Variants in MYO16 observed in about 807,000 individuals in gnomAD.
MYO16 encodes the protein myosin XVI.
In MYO16, 94 loss-of-function variants were observed where a neutral mutation model predicts 205.3. The observed-to-expected ratio is 0.46, with a 90% CI of 0.39 to 0.54. The LOEUF is 0.54. MYO16 is among the 20% of genes least tolerant of loss of function. The pLI is 0.00. For synonymous variants in MYO16, 988 were observed against 954.0 expected (o/e 1.04, Z -0.66); for missense variants, 2,315 against 2,387.5 (o/e 0.97, Z 0.63).
chr13:108,551,059 T>C, the MYO16 span, among the ~76,000 whole-genome samples: 1 of 152,210 alleles, frequency 6.6e-6, no homozygotes, highest in Non-Finnish European at 1.5e-5. Flanking sequence ...TAATATATCA[T>C]GTCCTCCTTG....
chr13:108,972,552 G>A (rs1479435275), intron 20 of MYO16, among the ~76,000 whole-genome samples: 1 of 149,754 alleles, frequency 6.7e-6, no homozygotes, highest in Non-Finnish European at 1.5e-5. Flanking sequence ...GTTTCACAGA[G>A]TAGCAGATAA....
intron 34 of MYO16, among the ~76,000 whole-genome samples, chr13:109,188,772 C>T (rs1325109848): frequency 6.6e-6 from 1 of 152,120 alleles, no homozygotes; most frequent in Non-Finnish European, 1.5e-5. Context: ...AGTCCAAAAG[C>T]TGAAGAAGTT....
chr13:109,090,744 A>G (rs1888595474), intron 27 of MYO16, among the ~76,000 whole-genome samples: 1 of 152,224 alleles, frequency 6.6e-6, no homozygotes, highest in Non-Finnish European at 1.5e-5. Context: ...TGTGTGAACT[A>G]GAACGTTTTT....
At chr13:108,971,580 ATAT>A (rs999554362) in intron 20 of MYO16, among the ~76,000 whole-genome samples, 1 of 151,346 alleles carries the variant, frequency 6.6e-6, no homozygotes. Context: ...ATAATGTTAA[ATAT>A]TATGTATATT....
At chr13:108,781,393 G>A (rs1872753032) in intron 4 of MYO16, among the ~76,000 whole-genome samples, 1 of 152,188 alleles carries the variant, frequency 6.6e-6, no homozygotes, top group African/African-American at 2.4e-5. Flanking sequence ...TAGGGAGGTG[G>A]GGTGGCATAG....
At chr13:108,643,199 T>C (rs1026646496) in intron 1 of MYO16, among the ~76,000 whole-genome samples, 1 of 152,202 alleles carries the variant, frequency 6.6e-6, no homozygotes, top group African/African-American at 2.4e-5. Flanking sequence ...ACAGATCTGA[T>C]TTCTGTTTTT....
chr13:108,791,105 A>G (rs141648809), intron 5 of MYO16, among the ~76,000 whole-genome samples: 16 of 152,320 alleles, frequency 1.1e-4, no homozygotes, highest in Middle Eastern at 6.8e-3. Context: ...TCATAATCCT[A>G]AAAGTCAGAA....
intron 4 of MYO16, among the ~76,000 whole-genome samples, chr13:108,778,954 A>T (rs1272847265): frequency 1.3e-5 from 2 of 152,094 alleles, no homozygotes; most frequent in Non-Finnish European, 1.5e-5. Context: ...CTTCCACTGC[A>T]CTCGTGGGGG....
chr13:109,066,856 A>T (rs76290193), intron 27 of MYO16, among the ~76,000 whole-genome samples: 2 of 152,278 alleles, frequency 1.3e-5, no homozygotes, highest in Admixed American at 6.5e-5. Context: ...CTTCTTTCTA[A>T]TATAGTTGGG....
At chr13:109,000,094 C>T (rs979846258) in intron 21 of MYO16, among the ~76,000 whole-genome samples, 1 of 152,104 alleles carries the variant, frequency 6.6e-6, no homozygotes, top group African/African-American at 2.4e-5. Context: ...AGAATTAATG[C>T]ATTTGAAACC....
intron 4 of MYO16, among the ~76,000 whole-genome samples, chr13:108,761,080 G>A (rs72668509): frequency 0.21 from 32,565 of 152,056 alleles, 3,578 homozygotes; most frequent in Middle Eastern, 0.23. Context: ...TTTTTTTGCC[G>A]TTTATCTGTT....
intron 15 of MYO16, among the ~76,000 whole-genome samples, chr13:108,898,535 T>C (rs1555310507): frequency 1.3e-5 from 2 of 152,130 alleles, no homozygotes; most frequent in Non-Finnish European, 2.9e-5. Context: ...AGCTGAATTA[T>C]CCTTGCTGAA....
At chr13:108,934,218 A>G (rs1027986051) in intron 16 of MYO16, among the ~76,000 whole-genome samples, 2 of 152,222 alleles carry the variant, frequency 1.3e-5, no homozygotes, top group African/African-American at 4.8e-5. Context: ...CCAACAGTGT[A>G]TAAGCAAGCC....
intron 25 of MYO16, 120 bp from the exon 26 acceptor site, chr13:109,054,922 CTTCT>C (rs753705246): frequency 1.6e-4 from 85 of 532,684 alleles, no homozygotes; most frequent in Non-Finnish European, 2.5e-4. Flanking sequence ...TTCTTCCTTC[CTTCT>C]TTCTCTTTTT....
At chr13:108,844,615 G>C (rs1877423133) in intron 10 of MYO16, 122 bp downstream of exon 10, 2 of 979,876 alleles carry the variant, frequency 2.0e-6, no homozygotes. Flanking sequence ...TTAATGCATA[G>C]ATTAATATTT....
intron 15 of MYO16, among the ~76,000 whole-genome samples, chr13:108,898,719 C>G (rs1880562198): frequency 1.3e-5 from 2 of 151,960 alleles, no homozygotes; most frequent in African/African-American, 4.8e-5. Flanking sequence ...CAAGCAGACA[C>G]TGTTTCGTAT....
intron 4 of MYO16, among the ~76,000 whole-genome samples, chr13:108,730,722 C>T (rs147845020): frequency 6.6e-6 from 1 of 152,250 alleles, no homozygotes; most frequent in African/African-American, 2.4e-5. Context: ...CAATCCTGGT[C>T]TCCTAAATGA....
intron 4 of MYO16, among the ~76,000 whole-genome samples, chr13:108,763,696 G>T (rs1885685718): frequency 6.6e-6 from 1 of 151,928 alleles, no homozygotes; most frequent in South Asian, 2.1e-4. Context: ...TTCCTTTTAG[G>T]ATGTGTTAGG....
intron 34 of MYO16, among the ~76,000 whole-genome samples, chr13:109,191,793 C>G (rs1566556967): frequency 6.6e-6 from 1 of 152,130 alleles, no homozygotes; most frequent in Non-Finnish European, 1.5e-5. Flanking sequence ...TATAAAATAC[C>G]AATTATGACT....
Sources: gnomAD v4.1 joint callset for allele counts (sites outside exome capture counted in the v4.1 genomes callset) on GRCh38, gnomAD v4.1.1 for gene constraint, MANE v1.5 for transcripts, NCBI Gene and HGNC (gene_info 2026-07-23, HGNC 2026-07-21) for gene names.